The following SUGCT variants were observed in gnomAD, a reference collection of about 807,000 sequenced individuals.
The protein encoded by SUGCT is succinyl-CoA:glutarate-CoA transferase, also known as succinyl-CoA:glutarate CoA-transferase.
A neutral mutation model predicts 55.0 loss-of-function variants in SUGCT; 41 were observed. That is an observed-to-expected ratio of 0.74 (90% CI 0.58 to 0.97). The LOEUF is 0.97. Ranked by LOEUF, SUGCT falls within the 50% of genes least tolerant of loss-of-function variation. SUGCT has a pLI of 0.00. For synonymous variants in SUGCT, 187 were observed against 200.4 expected, an observed-to-expected ratio of 0.93 and a Z score of 0.56; for missense variants, 568 against 547.8, an observed-to-expected ratio of 1.04 and a Z score of -0.37.
chr7:40,896,394 A>C, the SUGCT span, among the ~76,000 whole-genome samples: 1 of 152,206 alleles, frequency 6.6e-6, no homozygotes, highest in African/African-American at 2.4e-5. Flanking sequence ...AAATAGTCAT[A>C]CTACCTGATA....
At chr7:40,329,636 G>C (rs942880703) in intron 9 of SUGCT, among the ~76,000 whole-genome samples, 8 of 152,172 alleles carry the variant, frequency 5.3e-5, no homozygotes, top group African/African-American at 1.9e-4. Context: ...TCACCTGGAA[G>C]TTAGAAGTAA....
chr7:40,502,632 T>C (rs1792350827), intron 12 of SUGCT, among the ~76,000 whole-genome samples: 1 of 152,094 alleles, frequency 6.6e-6, no homozygotes, highest in South Asian at 2.1e-4. Flanking sequence ...GTGCTAAGTC[T>C]TTGAAATCCA....
intron 8 of SUGCT, among the ~76,000 whole-genome samples, chr7:40,307,231 C>T (rs2151089936): frequency 6.6e-6 from 1 of 152,250 alleles, no homozygotes; most frequent in South Asian, 2.1e-4. Flanking sequence ...AATTACATTG[C>T]AGTGAAGCCA....
intron 1 of SUGCT, chr7:40,153,869 C>A: frequency 5.5e-6 from 2 of 365,532 alleles, no homozygotes; most frequent in South Asian, 5.3e-5. Flanking sequence ...GCAGATTTGC[C>A]ATTTGGAAAA....
chr7:40,791,128 A>T (rs1203022498), intron 13 of SUGCT, among the ~76,000 whole-genome samples: 1 of 152,220 alleles, frequency 6.6e-6, no homozygotes, highest in African/African-American at 2.4e-5. Context: ...GACATTAATT[A>T]TCTTTGACAG....
At chr7:41,001,189 A>G in the SUGCT span, among the ~76,000 whole-genome samples, 3 of 152,164 alleles carry the variant, frequency 2.0e-5, no homozygotes, top group African/African-American at 7.2e-5. Context: ...ATAGAGGAGA[A>G]GAGCGTTGGC....
At chr7:40,995,279 C>T in the SUGCT span, among the ~76,000 whole-genome samples, 3 of 151,954 alleles carry the variant, frequency 2.0e-5, no homozygotes. Flanking sequence ...GTCTCTTTCT[C>T]CAACACTCAT....
the SUGCT span, among the ~76,000 whole-genome samples, chr7:40,887,853 T>C: frequency 1.3e-5 from 2 of 151,960 alleles, no homozygotes; most frequent in African/African-American, 2.4e-5. Flanking sequence ...AAGTGCCCAA[T>C]AAATTTGAAT....
intron 11 of SUGCT, among the ~76,000 whole-genome samples, chr7:40,486,089 T>C (rs1236043493): frequency 6.6e-6 from 1 of 152,190 alleles, no homozygotes; most frequent in Non-Finnish European, 1.5e-5. Context: ...GAATAATTGG[T>C]ATTTGTTCTT....
intron 9 of SUGCT, among the ~76,000 whole-genome samples, chr7:40,358,738 C>CAACAAT (rs1375274191): frequency 6.6e-6 from 1 of 151,798 alleles, no homozygotes; most frequent in African/African-American, 2.4e-5. Context: ...ACAATAACAA[C>CAACAAT]AACAACAACA....
chr7:40,500,560 C>T (rs1312393946), intron 12 of SUGCT, among the ~76,000 whole-genome samples: 1 of 152,094 alleles, frequency 6.6e-6, no homozygotes, highest in African/African-American at 2.4e-5. Flanking sequence ...CCCAGAAGGC[C>T]ATTACAACCC....
At chr7:40,783,563 G>C (rs915435112) in intron 13 of SUGCT, 7 of 152,120 alleles carry the variant, frequency 4.6e-5, no homozygotes, top group Admixed American at 4.6e-4. Flanking sequence ...GAAGGCATAA[G>C]AGTCAGAGGG....
chr7:40,925,155 A>G, the SUGCT span, among the ~76,000 whole-genome samples: 4 of 152,218 alleles, frequency 2.6e-5, no homozygotes, highest in East Asian at 7.8e-4. Context: ...CCCCTGACTA[A>G]CCCTTGGAAT....
intron 6 of SUGCT, among the ~76,000 whole-genome samples, chr7:40,216,992 A>G (rs1263623701): frequency 1.3e-5 from 2 of 151,998 alleles, no homozygotes; most frequent in African/African-American, 2.4e-5. Flanking sequence ...TACTCTGTTC[A>G]TTTGGATGCT....
intron 13 of SUGCT, among the ~76,000 whole-genome samples, chr7:40,837,527 A>C (rs543031295): frequency 3.3e-5 from 5 of 152,210 alleles, no homozygotes; most frequent in Admixed American, 6.5e-5. Flanking sequence ...TTTTTCTCCT[A>C]TGTTTTTATT....
In SUGCT at chr7:40,489,733, A is replaced by AAC. The variant is rs556344791; in HGVS notation, c.987-6537_987-6536dup. On this transcript the variant is annotated intron_variant, in intron 11 of 13. Coordinates refer to ENST00000335693, the MANE Select transcript of SUGCT (RefSeq NM_001193313.2). ...AAACAAACAACAGAACAAAACAAAAAACACACACACACACAAACTGCTATT... is the reference window on the plus strand; with the variant it reads ...AAACAAACAACAGAACAAAACAAAAAACACACACACACACACAAACTGCTATT... Among the ~76,000 whole-genome samples the AAC allele has an allele frequency of 4.8e-3, 727 of 151,852 alleles. 1 individual carries two copies. The highest frequency in any genetic ancestry group is 7.1e-3 in the Non-Finnish European group (479 of 67,856).
chr7:40,948,007 C>T, the SUGCT span, among the ~76,000 whole-genome samples: 2 of 152,174 alleles, frequency 1.3e-5, no homozygotes, highest in Admixed American at 6.6e-5. Flanking sequence ...GATGAAGCCT[C>T]TATTGACAAT....
At chr7:40,972,118 A>T in the SUGCT span, among the ~76,000 whole-genome samples, 1 of 152,062 alleles carries the variant, frequency 6.6e-6, no homozygotes, top group Admixed American at 6.5e-5. Flanking sequence ...TCATCTATAT[A>T]TGTTTCTTTT....
intron 9 of SUGCT, among the ~76,000 whole-genome samples, chr7:40,396,909 T>C (rs1352601305): frequency 1.3e-5 from 2 of 152,192 alleles, no homozygotes; most frequent in East Asian, 3.8e-4. Flanking sequence ...TGCTATCTTA[T>C]ATGACCATGA....
Sources: allele counts gnomAD v4.1 joint callset (sites outside exome capture counted in the v4.1 genomes callset), GRCh38; gene constraint gnomAD v4.1.1; transcripts MANE v1.5; gene names NCBI Gene and HGNC (gene_info 2026-07-23, HGNC 2026-07-21).